The following GALNT13 variants were observed in gnomAD, a reference collection of about 807,000 sequenced individuals.
GALNT13 encodes polypeptide N-acetylgalactosaminyltransferase 13, also known as UDP-GalNAc:polypeptide N-acetylgalactosaminyltransferase 13.
Under a neutral mutation model 64.2 loss-of-function variants are expected in GALNT13, and 28 were observed. That is an observed-to-expected ratio of 0.44 (90% confidence interval 0.32 to 0.60). The LOEUF (loss-of-function observed/expected upper bound fraction) is 0.60, where lower values mean the gene tolerates loss of function less well. Ranked by LOEUF, GALNT13 falls within the 20% of genes least tolerant of loss-of-function variation. The pLI, the probability that GALNT13 is intolerant of heterozygous loss-of-function variation, is 0.05. For synonymous variants in GALNT13, 214 were observed against 224.6 expected (o/e 0.95, Z 0.42); for missense variants, 577 against 669.8 (o/e 0.86, Z 1.53).
At chr2:153,534,165 T>C in the GALNT13 span, among the ~76,000 whole-genome samples, 24 of 152,310 alleles carry the variant, frequency 1.6e-4, no homozygotes, top group African/African-American at 5.1e-4. Context: ...CCAACCTCCC[T>C]GCCATATTGA....
intron 9 of GALNT13, among the ~76,000 whole-genome samples, chr2:154,344,897 G>GA (rs1226523428): frequency 3.3e-5 from 5 of 152,050 alleles, no homozygotes; most frequent in South Asian, 2.1e-4. Flanking sequence ...TTGTTGATGG[G>GA]ATCTATGCCC....
chr2:154,123,006 A>G (rs1682044201), intron 3 of GALNT13, among the ~76,000 whole-genome samples: 1 of 152,044 alleles, frequency 6.6e-6, no homozygotes, highest in Non-Finnish European at 1.5e-5. Context: ...AACTTTCTCA[A>G]TGCTAACTAT....
At chr2:153,895,649 A>G (rs1558839811) in intron 1 of GALNT13, among the ~76,000 whole-genome samples, 1 of 152,154 alleles carries the variant, frequency 6.6e-6, no homozygotes, top group Non-Finnish European at 1.5e-5. Context: ...ATTGTAAAAT[A>G]TAACCTGATT....
the GALNT13 span, among the ~76,000 whole-genome samples, chr2:153,660,039 G>T: frequency 2.0e-5 from 3 of 152,088 alleles, no homozygotes; most frequent in South Asian, 4.1e-4. Context: ...TACTGTCAAG[G>T]TTCCCTCTTC....
At chr2:153,640,118 T>C in the GALNT13 span, among the ~76,000 whole-genome samples, 6 of 152,086 alleles carry the variant, frequency 3.9e-5, no homozygotes, top group Admixed American at 2.0e-4. Context: ...AAAAAGAAGT[T>C]TGGTCTCAAA....
At chr2:153,249,407 C>T in the GALNT13 span, among the ~76,000 whole-genome samples, 1 of 152,188 alleles carries the variant, frequency 6.6e-6, no homozygotes, top group South Asian at 2.1e-4. Flanking sequence ...AAATTTCATG[C>T]TCATTGATAG....
At chr2:153,341,653 G>A in the GALNT13 span, among the ~76,000 whole-genome samples, 5 of 152,168 alleles carry the variant, frequency 3.3e-5, no homozygotes, top group Non-Finnish European at 7.4e-5. Flanking sequence ...GGTTTTGTCA[G>A]CATTACCAGT....
At chr2:154,281,678 ATACCACT>A (rs1012158281) in intron 8 of GALNT13, among the ~76,000 whole-genome samples, 3 of 152,090 alleles carry the variant, frequency 2.0e-5, no homozygotes, top group African/African-American at 7.2e-5. Context: ...TCTGTGATCA[ATACCACT>A]TCACCATACC....
the GALNT13 span, among the ~76,000 whole-genome samples, chr2:153,436,711 T>G: frequency 3.3e-5 from 5 of 152,200 alleles, no homozygotes; most frequent in Admixed American, 3.3e-4. Flanking sequence ...TATTTGATTC[T>G]TCTCTCTTTT....
chr2:153,642,251 C>T, the GALNT13 span, among the ~76,000 whole-genome samples: 102 of 152,010 alleles, frequency 6.7e-4, 1 homozygote, highest in African/African-American at 2.3e-3. Flanking sequence ...AAGTATTTAA[C>T]GCTTTTCCAA....
the GALNT13 span, among the ~76,000 whole-genome samples, chr2:153,687,802 C>G: frequency 1.3e-5 from 2 of 151,774 alleles, no homozygotes; most frequent in African/African-American, 4.8e-5. Context: ...ATGTAAGTAC[C>G]TTTAGGAATT....
chr2:153,831,585 G>A, the GALNT13 span, among the ~76,000 whole-genome samples: 2 of 151,844 alleles, frequency 1.3e-5, no homozygotes, highest in Non-Finnish European at 2.9e-5. Context: ...ACCCAGCACC[G>A]TTGCCAATGC....
the GALNT13 span, among the ~76,000 whole-genome samples, chr2:153,792,486 T>C: frequency 6.6e-6 from 1 of 152,216 alleles, no homozygotes; most frequent in Non-Finnish European, 1.5e-5. Context: ...CAAGGGGTCC[T>C]GGAACCACTC....
the GALNT13 span, among the ~76,000 whole-genome samples, chr2:153,329,984 C>G: frequency 2.0e-5 from 3 of 152,172 alleles, no homozygotes; most frequent in Admixed American, 6.5e-5. Context: ...CAGTTTCATT[C>G]TTCTGCATAT....
chr2:154,058,609 A>C (rs1218936769), intron 3 of GALNT13, among the ~76,000 whole-genome samples: 1 of 152,118 alleles, frequency 6.6e-6, no homozygotes, highest in Non-Finnish European at 1.5e-5. Flanking sequence ...TGTCCTGTGG[A>C]TATTTGGGAA....
At chr2:153,462,776 T>C in the GALNT13 span, among the ~76,000 whole-genome samples, 2 of 152,146 alleles carry the variant, frequency 1.3e-5, no homozygotes, top group African/African-American at 4.8e-5. Flanking sequence ...TAAGAAAATA[T>C]GAAGGTTTGT....
At chr2:153,348,784 A>C in the GALNT13 span, among the ~76,000 whole-genome samples, 1 of 152,166 alleles carries the variant, frequency 6.6e-6, no homozygotes, top group Non-Finnish European at 1.5e-5. Flanking sequence ...TTTCTGAACG[A>C]ATCACTACAG....
the GALNT13 span, among the ~76,000 whole-genome samples, chr2:153,411,369 A>C: frequency 6.6e-6 from 1 of 152,096 alleles, no homozygotes; most frequent in Admixed American, 6.6e-5. Context: ...GGAATCTGAC[A>C]TGGGAAGCTC....
intron 9 of GALNT13, among the ~76,000 whole-genome samples, chr2:154,367,672 G>T (rs977355963): frequency 3.3e-5 from 5 of 151,990 alleles, no homozygotes; most frequent in Non-Finnish European, 7.4e-5. Flanking sequence ...AAATCTTTTG[G>T]CAGAGCCTGA....
Sources: allele counts gnomAD v4.1 joint callset (sites outside exome capture counted in the v4.1 genomes callset), GRCh38; gene constraint gnomAD v4.1.1; transcripts MANE v1.5; gene names NCBI Gene and HGNC (gene_info 2026-07-23, HGNC 2026-07-21).